The following IL1RAPL1 variants were observed in gnomAD, a reference collection of about 807,000 sequenced individuals.
The protein encoded by IL1RAPL1 is interleukin 1 receptor accessory protein like 1, also known as interleukin-1 receptor accessory protein-like 1.
IL1RAPL1 carries 3 observed loss-of-function variants against 48.4 expected under a neutral mutation model. The observed-to-expected ratio is 0.06, with a 90% CI of 0.03 to 0.16. The LOEUF is 0.16. Ranked by LOEUF, IL1RAPL1 falls within the 10% of genes least tolerant of loss-of-function variation. IL1RAPL1 has a pLI of 1.00. For missense variants in IL1RAPL1, 349 were observed against 530.6 expected (o/e 0.66, Z 3.36); for synonymous variants, 185 against 187.7 (o/e 0.99, Z 0.12).
intron 9 of IL1RAPL1, among the ~76,000 whole-genome samples, chrX:29,951,536 T>C (rs954253534): frequency 4.5e-5 from 5 of 111,228 alleles, no homozygotes; most frequent in African/African-American, 1.6e-4. Flanking sequence ...ACCACTCAAA[T>C]ATAATTATAA....
chrX:29,498,046 T>C (rs1332918446), intron 5 of IL1RAPL1, among the ~76,000 whole-genome samples: 18 of 112,496 alleles, frequency 1.6e-4, no homozygotes. Context: ...TACTAGTTAC[T>C]TGGCACGCAA....
At chrX:28,657,808 G>A (rs2146907179) in intron 1 of IL1RAPL1, among the ~76,000 whole-genome samples, 1 of 112,034 alleles carries the variant, frequency 8.9e-6, no homozygotes, top group East Asian at 2.8e-4. Flanking sequence ...ACAGGTGAGA[G>A]CAGAATGAAA....
intron 3 of IL1RAPL1, among the ~76,000 whole-genome samples, chrX:29,391,617 G>T (rs1602210919): frequency 8.9e-6 from 1 of 111,739 alleles, no homozygotes. Context: ...AAGTCCTGAA[G>T]AAAATTTGAA....
chrX:29,558,253 T>C (rs1922070256), intron 5 of IL1RAPL1, among the ~76,000 whole-genome samples: 1 of 111,867 alleles, frequency 8.9e-6, no homozygotes, highest in East Asian at 2.8e-4. Context: ...TGATATCTCA[T>C]TGTGGTTTTA....
chrX:28,808,153 C>T (rs1279054396), intron 2 of IL1RAPL1, among the ~76,000 whole-genome samples: 3 of 111,134 alleles, frequency 2.7e-5, no homozygotes, highest in East Asian at 5.7e-4. Context: ...ATGGACAATG[C>T]CAGTGGATTA....
At chrX:29,500,081 A>G (rs982570120) in intron 5 of IL1RAPL1, among the ~76,000 whole-genome samples, 1 of 110,057 alleles carries the variant, frequency 9.1e-6, no homozygotes. Context: ...GGTCCAAGCA[A>G]TTCTCCCTGC....
At chrX:28,790,406 TA>T (rs1229319492) in intron 2 of IL1RAPL1, among the ~76,000 whole-genome samples, 1 of 112,513 alleles carries the variant, frequency 8.9e-6, no homozygotes, top group East Asian at 2.8e-4. Context: ...ACCATGAGGT[TA>T]AAAGGCTTCA....
At chrX:29,707,792 G>A (rs1309192539) in intron 6 of IL1RAPL1, among the ~76,000 whole-genome samples, 1 of 110,548 alleles carries the variant, frequency 9.0e-6, no homozygotes, top group African/African-American at 3.3e-5. Flanking sequence ...GAGAAAGGGT[G>A]GGGGTTGGTG....
intron 3 of IL1RAPL1, among the ~76,000 whole-genome samples, chrX:29,314,851 A>G (rs779018403): frequency 8.9e-6 from 1 of 112,550 alleles, no homozygotes; most frequent in East Asian, 2.8e-4. Context: ...TAAAACATTC[A>G]CCAAAATATT....
chrX:28,961,177 A>G (rs1451683957), intron 2 of IL1RAPL1, among the ~76,000 whole-genome samples: 1 of 110,796 alleles, frequency 9.0e-6, no homozygotes, highest in Non-Finnish European at 1.9e-5. Flanking sequence ...TACAGAAAGT[A>G]CTTCTTGTAC....
intron 1 of IL1RAPL1, among the ~76,000 whole-genome samples, chrX:28,778,238 G>A (rs1391581594): frequency 8.9e-6 from 1 of 112,123 alleles, no homozygotes; most frequent in African/African-American, 3.2e-5. Flanking sequence ...TTGGCATAAA[G>A]CCACCTTTTT....
chrX:28,959,172 G>T (rs907364141), intron 2 of IL1RAPL1, among the ~76,000 whole-genome samples: 6 of 95,552 alleles, frequency 6.3e-5, no homozygotes, highest in Non-Finnish European at 8.2e-5. Flanking sequence ...ACACTTTATT[G>T]TGTATCTAAT....
intron 6 of IL1RAPL1, among the ~76,000 whole-genome samples, chrX:29,742,358 G>A (rs977564958): frequency 9.1e-6 from 1 of 110,000 alleles, no homozygotes; most frequent in Non-Finnish European, 1.9e-5. Context: ...TTTTTTTTCA[G>A]GTCATTTACT....
rs972032827 is a variant in IL1RAPL1 at position 29,170,355 on chromosome X, A to G, written c.83-112583A>G. 2.7e-5 allele frequency among the ~76,000 whole-genome samples: 3 copies of G among 111,797 alleles called. No homozygotes were observed. The Admixed American group carries it at 2.9e-4, about 11-fold the overall frequency. On this transcript the variant is annotated intron_variant, in intron 2 of 10. Transcript: ENST00000378993. ...GAAGGAAAAATAGTAGATATAACCT[A>G]TGAATCTTATTATTCATCAAAAAGA...
chrX:28,876,754 G>A (rs867536133), intron 2 of IL1RAPL1, among the ~76,000 whole-genome samples: 2 of 101,556 alleles, frequency 2.0e-5, no homozygotes. Flanking sequence ...ATTCTTGCTG[G>A]AAAAAAAAAA....
chrX:29,421,748 A>G (rs1475105456), intron 5 of IL1RAPL1, among the ~76,000 whole-genome samples: 1 of 111,853 alleles, frequency 8.9e-6, no homozygotes, highest in Non-Finnish European at 1.9e-5. Flanking sequence ...TTCCCCAAAA[A>G]TGATACAGAA....
At chrX:28,665,016 G>A (rs1383013081) in intron 1 of IL1RAPL1, among the ~76,000 whole-genome samples, 4 of 111,881 alleles carry the variant, frequency 3.6e-5, no homozygotes, top group Non-Finnish European at 5.6e-5. Context: ...TTAGTTCGGG[G>A]ACAAAATAAA....
intron 1 of IL1RAPL1, among the ~76,000 whole-genome samples, chrX:28,685,532 A>G: frequency 8.9e-6 from 1 of 112,322 alleles, no homozygotes; most frequent in Admixed American, 9.5e-5. Context: ...GATGCTCTCT[A>G]TGAGGAAGGT....
intron 2 of IL1RAPL1, among the ~76,000 whole-genome samples, chrX:28,956,699 T>C (rs867962670): frequency 0.031 from 3,326 of 108,441 alleles, 126 homozygotes; most frequent in African/African-American, 0.11. Context: ...TCAATGTTCA[T>C]CAAGGATATT....
Sources: gnomAD v4.1 joint callset for allele counts (sites outside exome capture counted in the v4.1 genomes callset) on GRCh38, gnomAD v4.1.1 for gene constraint, MANE v1.5 for transcripts, NCBI Gene and HGNC (gene_info 2026-07-23, HGNC 2026-07-21) for gene names.